Variants in BBS9 observed in about 807,000 individuals in gnomAD.
BBS9 encodes the protein protein PTHB1.
Under a neutral mutation model 117.7 loss-of-function variants are expected in BBS9, and 89 were observed. That is an observed-to-expected ratio of 0.76 (90% CI 0.64 to 0.90). The LOEUF (loss-of-function observed/expected upper bound fraction) is 0.90, where lower values mean the gene tolerates loss of function less well. Among genes scored for constraint, BBS9 ranks in the 40% least tolerant of loss-of-function variants. The pLI is 0.00. For missense variants in BBS9, 982 were observed against 1,042.2 expected (o/e 0.94, Z 0.80); for synonymous variants, 379 against 370.9 (o/e 1.02, Z -0.25).
At chr7:33,172,390 A>G (rs1204595026) in intron 4 of BBS9, among the ~76,000 whole-genome samples, 3 of 151,704 alleles carry the variant, frequency 2.0e-5, no homozygotes, top group African/African-American at 7.3e-5. Context: ...CAAAAAAAAA[A>G]TAATAAAAAA....
At chr7:33,624,861 G>C (rs1865567584) in intron 21 of BBS9, among the ~76,000 whole-genome samples, 1 of 152,158 alleles carries the variant, frequency 6.6e-6, no homozygotes, top group Non-Finnish European at 1.5e-5. Flanking sequence ...CTAGCTCAGT[G>C]AGTACCCAGC....
chr7:33,178,814 A>T (rs889540574), intron 5 of BBS9, among the ~76,000 whole-genome samples: 37 of 152,114 alleles, frequency 2.4e-4, no homozygotes, highest in African/African-American at 8.4e-4. Flanking sequence ...GATAAAGACA[A>T]GGAATAATTG....
At chr7:33,569,264 T>C (rs1857387752) in intron 21 of BBS9, among the ~76,000 whole-genome samples, 1 of 152,110 alleles carries the variant, frequency 6.6e-6, no homozygotes, top group Admixed American at 6.5e-5. Flanking sequence ...ATCCTAGCAG[T>C]GTGGATTATC....
chr7:33,600,345 C>G (rs1863602726), intron 21 of BBS9, among the ~76,000 whole-genome samples: 1 of 151,284 alleles, frequency 6.6e-6, no homozygotes, highest in Admixed American at 6.6e-5. Context: ...TTATTCATTT[C>G]TGTTGCCTTT....
chr7:33,243,536 A>G (rs1794868047), intron 5 of BBS9, among the ~76,000 whole-genome samples: 1 of 152,314 alleles, frequency 6.6e-6, no homozygotes, highest in East Asian at 1.9e-4. Flanking sequence ...TGATTCCAGA[A>G]CTCTTAGAGT....
chr7:33,475,169 C>G (rs1011927660), intron 19 of BBS9, among the ~76,000 whole-genome samples: 5 of 152,154 alleles, frequency 3.3e-5, no homozygotes, highest in Non-Finnish European at 7.4e-5. Context: ...TCTATCTGGT[C>G]TCTGTTGCAA....
intron 9 of BBS9, among the ~76,000 whole-genome samples, chr7:33,303,002 C>G (rs532202018): frequency 6.6e-6 from 1 of 151,650 alleles, no homozygotes; most frequent in African/African-American, 2.4e-5. Context: ...TGATTATTTC[C>G]TAGGTATTTA....
At chr7:33,186,383 C>T (rs185776771) in intron 5 of BBS9, among the ~76,000 whole-genome samples, 5 of 152,284 alleles carry the variant, frequency 3.3e-5, no homozygotes, top group Admixed American at 6.5e-5. Flanking sequence ...TTCTACCCAG[C>T]CTGTCTGCAT....
intron 13 of BBS9, chr7:33,349,422 A>G (rs1405200647): frequency 2.1e-6 from 1 of 485,948 alleles, no homozygotes; most frequent in Admixed American, 2.6e-5. Flanking sequence ...TTGGACCTAT[A>G]ATTGTTTTTG....
At chr7:33,226,278 TA>T (rs1791259432) in intron 5 of BBS9, among the ~76,000 whole-genome samples, 2 of 152,218 alleles carry the variant, frequency 1.3e-5, no homozygotes, top group Admixed American at 1.3e-4. Context: ...AGATGATTTT[TA>T]ATGGCTTTTT....
rs911834235 is a variant in BBS9 at position 33,257,312 on chromosome 7, A to G, written c.519A>G (p.Arg173=). Residue 173 remains arginine (R), a synonymous_variant, in exon 6 of 23, where the codon AGA becomes AGG. Transcript: ENST00000242067. ...AGCAGGAGAGCTATGCTTTTGGAAG[A>G]TTTCTCCCTGGCTTTCTTCTGCCTG... is the stretch of plus-strand genomic sequence containing the variant. ...VFEQESYAFG[R]FLPGFLLPGP... 8.7e-6 allele frequency: 14 copies of G among 1,613,700 alleles called. No individual in the cohort carries two copies. Among genetic ancestry groups the G allele is most frequent in the South Asian group, 1.1e-5 (1 of 91,068 alleles).
intron 4 of BBS9, among the ~76,000 whole-genome samples, chr7:33,161,084 ACT>A (rs1794764557): frequency 6.6e-6 from 1 of 151,860 alleles, no homozygotes; most frequent in African/African-American, 2.4e-5. Flanking sequence ...TTGGTTGTAA[ACT>A]CTTTTAGCAA....
Position 33,248,837 on chromosome 7 carries a change from C to T in BBS9, c.443-8399C>T, listed in dbSNP as rs556146516. 4.6e-5 allele frequency among the ~76,000 whole-genome samples: 7 copies of T among 152,218 alleles called. No homozygotes were observed. In the South Asian group the frequency reaches 1.5e-3, roughly 32 times the overall value. On this transcript the variant is annotated intron_variant, in intron 5 of 22. Transcript: ENST00000242067. ...GCATCAGTCTCTTGATGTTTCCTGT[C>T]TGCCTTTTTGACTACCTATACAGCT...
At chr7:33,252,501 A>G (rs560502630) in intron 5 of BBS9, among the ~76,000 whole-genome samples, 1 of 152,114 alleles carries the variant, frequency 6.6e-6, no homozygotes, top group South Asian at 2.1e-4. Context: ...AGTTTCTCAT[A>G]TGGTAGGCCT....
chr7:33,155,597 G>A lies in BBS9; in HGVS notation c.264-41G>A, dbSNP rs200066249. ...TTACAACTTTTTGGTTACGTCTAAA[G>A]CTAATATTGGAAAACTTTAAAAACT... On this transcript the variant is annotated intron_variant, in intron 3 of 22. Coordinates refer to ENST00000242067, the MANE Select transcript of BBS9 (RefSeq NM_198428.3). 2.2e-6 allele frequency: 3 copies of A among 1,389,390 alleles called. No individual in the cohort carries two copies. In the Admixed American group the frequency reaches 5.1e-5, roughly 24 times the overall value. The allele number at this position is 1,389,390 out of a possible 1,614,324, so 86.1% of individuals were successfully genotyped here.
intron 19 of BBS9, among the ~76,000 whole-genome samples, chr7:33,496,223 G>A (rs967183100): frequency 5.3e-5 from 8 of 152,174 alleles, no homozygotes; most frequent in Non-Finnish European, 1.0e-4. Context: ...AATGTATTCT[G>A]GGCCAGGCGT....
intron 1 of BBS9, among the ~76,000 whole-genome samples, chr7:33,138,746 C>G (rs947433865): frequency 6.7e-6 from 1 of 150,306 alleles, no homozygotes; most frequent in Non-Finnish European, 1.5e-5. Flanking sequence ...TGGAGACTGG[C>G]TAATATTTTT....
chr7:33,357,812 A>G (rs1374843615), intron 15 of BBS9, 43 bp from the exon 16 acceptor site: 3 of 1,595,664 alleles, frequency 1.9e-6, no homozygotes, highest in Non-Finnish European at 2.6e-6. Flanking sequence ...TTGCCAAATT[A>G]TTTGTCAAGT....
chr7:33,339,303 T>C (rs1425055397), intron 10 of BBS9, among the ~76,000 whole-genome samples: 1 of 152,188 alleles, frequency 6.6e-6, no homozygotes, highest in East Asian at 1.9e-4. Context: ...GAATGGCTCC[T>C]ACTTAAATCT....
Sources: gnomAD v4.1 joint callset for allele counts (sites outside exome capture counted in the v4.1 genomes callset) on GRCh38, gnomAD v4.1.1 for gene constraint, MANE v1.5 for transcripts, NCBI Gene and HGNC (gene_info 2026-07-23, HGNC 2026-07-21) for gene names.